The following ATP2A3 variants were observed in gnomAD, a reference collection of about 807,000 sequenced individuals.
ATP2A3 encodes the protein ATPase sarcoplasmic/endoplasmic reticulum Ca2+ transporting 3.
ATP2A3 carries 61 observed loss-of-function variants against 106.8 expected under a neutral mutation model. That is an observed-to-expected ratio of 0.57 (90% CI 0.46 to 0.71). ATP2A3 has a LOEUF of 0.71. Ranked by LOEUF, ATP2A3 falls within the 30% of genes least tolerant of loss-of-function variation. ATP2A3 has a pLI of 0.00. For synonymous variants in ATP2A3, 611 were observed against 609.3 expected (o/e 1.00, Z -0.04); for missense variants, 1,201 against 1,423.5 (o/e 0.84, Z 2.52).
At chr17:3,940,014 AT>A (rs1276786284) in intron 14 of ATP2A3, among the ~76,000 whole-genome samples, 2 of 137,686 alleles carry the variant, frequency 1.5e-5, no homozygotes, top group African/African-American at 5.6e-5. Context: ...TCATGGGTTG[AT>A]GGTAATGTGT....
At chr17:3,931,773 G>A (rs934191370) in intron 17 of ATP2A3, among the ~76,000 whole-genome samples, 2 of 152,124 alleles carry the variant, frequency 1.3e-5, no homozygotes, top group Non-Finnish European at 1.5e-5. Context: ...CGCCCGCCTT[G>A]GCCTCCCAAA....
intron 1 of ATP2A3, among the ~76,000 whole-genome samples, chr17:3,956,263 G>T (rs1363730893): frequency 1.3e-5 from 2 of 152,072 alleles, no homozygotes; most frequent in African/African-American, 4.8e-5. Context: ...TCCAGTCTTT[G>T]GTGCTCATTA....
Position 3,926,265 on chromosome 17 carries a change from C to T in ATP2A3, c.2981-824G>A, listed in dbSNP as rs1014222297. Reference sequence around the variant, plus strand: ...AGCTGGCTTGGGAGCGCAAAGGGTCCCTCTCTCACCCCCGCCCCGTCTGGC... The same window carrying T: ...AGCTGGCTTGGGAGCGCAAAGGGTCTCTCTCTCACCCCCGCCCCGTCTGGC... On this transcript the variant is annotated intron_variant, in intron 20 of 20. Coordinates refer to ENST00000397041, the MANE Select transcript of ATP2A3 (RefSeq NM_005173.4). This position sits in a 1 kb window ranked among gnomAD's most constrained non-coding sequence, Gnocchi z 4.6. Among the ~76,000 whole-genome samples the T allele has an allele frequency of 2.0e-5, 3 of 152,188 alleles. No individual in the cohort carries two copies. The highest frequency in any genetic ancestry group is 7.2e-5 in the African/African-American group (3 of 41,418).
chr17:3,929,245 A>C lies in ATP2A3; in HGVS notation c.2862+83T>G. 7.8e-7 allele frequency: 1 copy of C among 1,276,202 alleles called. No individual in the cohort carries two copies. The highest frequency in any genetic ancestry group is 1.1e-6 in the Non-Finnish European group (1 of 911,446). The allele number at this position is 1,276,202 out of a possible 1,614,324, so 79.1% of individuals were successfully genotyped here. A position where few individuals can be genotyped will look rare whatever the true frequency, so the allele number is the denominator to read the frequency against. On this transcript the variant is annotated intron_variant, in intron 19 of 20. Coordinates refer to ENST00000397041, the MANE Select transcript of ATP2A3 (RefSeq NM_005173.4). This position sits in a 1 kb window ranked among gnomAD's most constrained non-coding sequence, Gnocchi z 4.3. Reference sequence around the variant, plus strand: ...CTCTCCTCCAGGTAGTTTCCATTGCAGGGGGGCCAGAGAGGTCCAGTGACC... The same window carrying C: ...CTCTCCTCCAGGTAGTTTCCATTGCCGGGGGGCCAGAGAGGTCCAGTGACC...
rs2052746441 is a variant in ATP2A3 at position 3,927,010 on chromosome 17, G to A, written c.2981-1569C>T. On this transcript the variant is annotated intron_variant, in intron 20 of 20. Transcript: ENST00000397041. ...CACTCAAGGCCCTTGCCCCTGCCGGGCCTCACCCCTCTGCCCTGCATGCTG... is the reference window on the plus strand; with the variant it reads ...CACTCAAGGCCCTTGCCCCTGCCGGACCTCACCCCTCTGCCCTGCATGCTG... 3 of 985,332 alleles carry A rather than the reference G, an allele frequency of 3.0e-6. 1 individual carries two copies. Among genetic ancestry groups the A allele is most frequent in the South Asian group, 9.4e-5 (2 of 21,294 alleles). The allele number at this position is 985,332 out of a possible 1,614,324, so 61.0% of individuals were successfully genotyped here.
intron 20 of ATP2A3, chr17:3,927,330 C>T: frequency 1.0e-6 from 1 of 985,478 alleles, no homozygotes; most frequent in Non-Finnish European, 1.2e-6. Context: ...TTTAAGTTTT[C>T]TCAAGAAAAT....
At chr17:3,939,968 C>T (rs1028382956) in intron 14 of ATP2A3, among the ~76,000 whole-genome samples, 6 of 144,730 alleles carry the variant, frequency 4.1e-5, no homozygotes, top group South Asian at 2.1e-4. Flanking sequence ...TGTTTTGCGA[C>T]GAAGGACAGA....
chr17:3,947,469 C>T lies in ATP2A3; in HGVS notation c.1017G>A (p.Val339=). The change falls in exon 8 of 21, where the codon GTG becomes GTA. Residue 339 remains valine (V), a synonymous_variant. Coordinates refer to ENST00000397041, the MANE Select transcript of ATP2A3 (RefSeq NM_005173.4). This position sits in a 1 kb window ranked among gnomAD's most constrained non-coding sequence, Gnocchi z 7.7. ...TGACTGAGGTGCAGCCCAGGGTCTC[C>T]ACGGACGGCAGGCTTCGCACGATGG... ...KNAIVRSLPS[V]ETLGCTSVIC... is the part of the protein sequence containing the mutation. 1.2e-6 allele frequency: 2 copies of T among 1,613,854 alleles called. No homozygotes were observed. Among genetic ancestry groups the T allele is most frequent in the Non-Finnish European group, 1.7e-6 (2 of 1,180,040 alleles).
chr17:3,950,646 CCT>C, intron 6 of ATP2A3, 45 bp downstream of exon 6: 1 of 1,613,684 alleles, frequency 6.2e-7, no homozygotes, highest in Non-Finnish European at 8.5e-7. Context: ...CACGCCCATC[CCT>C]TAGTCCTGGC....
At chr17:3,938,342 G>A (rs1246899861) in intron 14 of ATP2A3, among the ~76,000 whole-genome samples, 1 of 152,026 alleles carries the variant, frequency 6.6e-6, no homozygotes, top group African/African-American at 2.4e-5. Flanking sequence ...GCTGAGGCAG[G>A]GGAGTCGCTT....
chr17:3,927,553 A>AT, intron 20 of ATP2A3: 1 of 985,410 alleles, frequency 1.0e-6, no homozygotes, highest in Non-Finnish European at 1.2e-6. Flanking sequence ...CAGTGCAGGG[A>AT]TGCCTTGGGC....
Position 3,947,754 on chromosome 17 carries a change from G to C in ATP2A3, c.732C>G (p.Pro244=), listed in dbSNP as rs772412687. ...GCTTGCGCTGCAGCGGCGTCCGCTC[G>C]GGCTCGACTGCCGCCATCTGGCTCC... ...KIRSQMAAVE[P]ERTPLQRKLD... The change falls in exon 8 of 21, where the codon CCC becomes CCG. Residue 244 remains proline (P), a synonymous_variant. Transcript: ENST00000397041. The surrounding 1 kb of genome is among the most constrained non-coding windows in gnomAD (Gnocchi z 7.7). 3 of 1,605,928 alleles carry C rather than the reference G, an allele frequency of 1.9e-6. No individual in the cohort carries two copies. The highest frequency in any genetic ancestry group is 2.5e-6 in the Non-Finnish European group (3 of 1,179,798).
chr17:3,964,333 C>T lies in ATP2A3; in HGVS notation c.-42G>A, dbSNP rs1472623318. ...TCTGCGCCGTCCGCACCGTCGAGGC[C>T]GCCTCTCCGCCGGGGGGCTACAAAG... On this transcript the variant is annotated 5_prime_UTR_variant, in exon 1 of 21. Coordinates refer to ENST00000397041, the MANE Select transcript of ATP2A3 (RefSeq NM_005173.4). 2 of 1,088,660 alleles carry T rather than the reference C, an allele frequency of 1.8e-6. No homozygotes were observed. The highest frequency in any genetic ancestry group is 3.1e-5 in the South Asian group (1 of 32,742). The allele number at this position is 1,088,660 out of a possible 1,614,324, so 67.4% of individuals were successfully genotyped here.
chr17:3,952,045 C>T (rs530999912), intron 3 of ATP2A3, among the ~76,000 whole-genome samples: 27 of 152,244 alleles, frequency 1.8e-4, no homozygotes, highest in African/African-American at 6.0e-4. Flanking sequence ...CCTCCTGAGT[C>T]GTAAATTCTG....
chr17:3,942,579 G>T, intron 12 of ATP2A3, 27 bp downstream of exon 12: 1 of 1,605,260 alleles, frequency 6.2e-7, no homozygotes. Context: ...GCGCGCAGGG[G>T]CCCAGGCCAG....
At position 3,929,933 on chromosome 17, in the gene ATP2A3, C is replaced by G. The variant is rs997219118; in HGVS notation, c.2744+368G>C. Among the ~76,000 whole-genome samples, 1 of 151,294 alleles carries G rather than the reference C, an allele frequency of 6.6e-6. No homozygotes were observed. On this transcript the variant is annotated intron_variant, in intron 18 of 20. Transcript: ENST00000397041. The surrounding 1 kb of genome is among the most constrained non-coding windows in gnomAD (Gnocchi z 4.3). Reference sequence around the variant, plus strand: ...ATCCTGAACCCCCCAAACATCAGACCCCAACCTGAACCCCTTGACCCCAGA... The same window carrying G: ...ATCCTGAACCCCCCAAACATCAGACGCCAACCTGAACCCCTTGACCCCAGA...
chr17:3,961,263 A>G (rs1313684221), intron 1 of ATP2A3, among the ~76,000 whole-genome samples: 1 of 152,176 alleles, frequency 6.6e-6, no homozygotes, highest in Non-Finnish European at 1.5e-5. Context: ...CACTGTGCAC[A>G]TTTTTATTCA....
intron 17 of ATP2A3, among the ~76,000 whole-genome samples, chr17:3,931,757 G>A (rs544181493): frequency 1.3e-5 from 2 of 152,100 alleles, no homozygotes; most frequent in South Asian, 2.1e-4. Flanking sequence ...TCCTGACCTC[G>A]TGATCCGCCC....
intron 14 of ATP2A3, 41 bp from the exon 15 acceptor site, chr17:3,937,677 C>G: frequency 6.3e-7 from 1 of 1,587,600 alleles, no homozygotes; most frequent in Non-Finnish European, 8.6e-7. Context: ...GAGAAACTTC[C>G]CTTCCACCTC....
Sources: allele counts gnomAD v4.1 joint callset (sites outside exome capture counted in the v4.1 genomes callset), GRCh38; gene constraint gnomAD v4.1.1; non-coding constraint Gnocchi (gnomAD v3.1); transcripts MANE v1.5; gene names NCBI Gene and HGNC (gene_info 2026-07-23, HGNC 2026-07-21).